The following PCDHGA12 variants were observed in gnomAD, a reference collection of about 807,000 sequenced individuals.
PCDHGA12 encodes protocadherin gamma subfamily A, 12.
Under a neutral mutation model 61.1 loss-of-function variants are expected in PCDHGA12, and 43 were observed. The ratio of observed to expected loss-of-function variants is 0.70; its 90% CI spans 0.55 to 0.91. The LOEUF is 0.91. PCDHGA12 is among the 40% of genes least tolerant of loss of function. PCDHGA12 has a pLI of 0.00. For synonymous variants in PCDHGA12, 520 were observed against 542.9 expected, an observed-to-expected ratio of 0.96 and a Z score of 0.59; for missense variants, 1,236 against 1,227.7, an observed-to-expected ratio of 1.01 and a Z score of -0.10.
intron 2 of PCDHGA12, among the ~76,000 whole-genome samples, chr5:141,497,859 G>A (rs188372194): frequency 2.0e-4 from 31 of 152,134 alleles, no homozygotes; most frequent in Middle Eastern, 6.8e-3. Context: ...TTGATTCAGC[G>A]GCTCCAAAGT....
chr5:141,478,594 C>T, intron 1 of PCDHGA12: 2 of 1,569,448 alleles, frequency 1.3e-6, no homozygotes, highest in Non-Finnish European at 1.7e-6. Context: ...TTTTTTATTC[C>T]TACATCATAT....
chr5:141,494,759 C>A (rs776923097), intron 1 of PCDHGA12, 48 bp from the exon 2 acceptor site: 3 of 1,613,886 alleles, frequency 1.9e-6, no homozygotes, highest in Non-Finnish European at 2.5e-6. Context: ...GGGTGACATT[C>A]TAACTTCTCA....
rs1230384508 is a variant in PCDHGA12 at position 141,490,990 on chromosome 5, C to T, written c.2425-3817C>T. On this transcript the variant is annotated intron_variant, in intron 1 of 3. Coordinates refer to ENST00000252085, the MANE Select transcript of PCDHGA12 (RefSeq NM_003735.3). The surrounding 1 kb of genome is among the most constrained non-coding windows in gnomAD (Gnocchi z 5.4). ...CCCCCAGCGTCTCCCTCGCTCTGCT[C>T]CTCCTGGCTCCTTGGTCACCAAGGT... 6 of 1,614,102 alleles carry T rather than the reference C, an allele frequency of 3.7e-6. No homozygotes were observed. The highest frequency in any genetic ancestry group is 1.3e-5 in the African/African-American group (1 of 75,064).
At chr5:141,465,730 T>G (rs1373873081) in intron 1 of PCDHGA12, among the ~76,000 whole-genome samples, 2 of 152,186 alleles carry the variant, frequency 1.3e-5, no homozygotes, top group Non-Finnish European at 2.9e-5. Context: ...CCTCTTGTGC[T>G]TTGTTTTCAG....
intron 2 of PCDHGA12, among the ~76,000 whole-genome samples, chr5:141,501,290 T>TACACACACACACAC (rs55762287): frequency 7.3e-6 from 1 of 136,164 alleles, no homozygotes; most frequent in Non-Finnish European, 1.6e-5. Context: ...TATTCCCTTA[T>TACACACACACACAC]ACACACACAC....
intron 1 of PCDHGA12, among the ~76,000 whole-genome samples, chr5:141,444,029 A>T (rs977610555): frequency 2.6e-5 from 4 of 152,164 alleles, no homozygotes; most frequent in African/African-American, 9.7e-5. Flanking sequence ...AAAGGAATTC[A>T]GTAAATCAGA....
Position 141,493,891 on chromosome 5 carries a change from G to A in PCDHGA12, c.2425-916G>A, listed in dbSNP as rs1595204910. On this transcript the variant is annotated intron_variant, in intron 1 of 3. Transcript: ENST00000252085. The surrounding 1 kb of genome is among the most constrained non-coding windows in gnomAD (Gnocchi z 4.3). ...CCAGTGAGGAGGTGGCTCTAGGAGT[G>A]CTCCATGAGAGTGTGTGATGGGATA... Among the ~76,000 whole-genome samples, 1 of 152,300 alleles carries A rather than the reference G, an allele frequency of 6.6e-6. No homozygotes were observed. The highest frequency in any genetic ancestry group is 1.5e-5 in the Non-Finnish European group (1 of 68,018).
In PCDHGA12 at chr5:141,477,116, G is replaced by A. The variant is rs771557201; in HGVS notation, c.2425-17691G>A. ...AGACAAGGGCGCCAATCCCGAAGGA[G>A]CACATTGCAAAGTGTTGGTGGAGGT... On this transcript the variant is annotated intron_variant, in intron 1 of 3. Transcript: ENST00000252085. This position sits in a 1 kb window ranked among gnomAD's most constrained non-coding sequence, Gnocchi z 4.9. 1 of 1,614,252 alleles carries A rather than the reference G, an allele frequency of 6.2e-7. No homozygotes were observed. The highest frequency in any genetic ancestry group is 8.5e-7 in the Non-Finnish European group (1 of 1,180,052).
intron 1 of PCDHGA12, among the ~76,000 whole-genome samples, chr5:141,461,345 G>A (rs1277222105): frequency 1.3e-5 from 2 of 152,102 alleles, no homozygotes; most frequent in African/African-American, 4.8e-5. Context: ...CAGGACCAAG[G>A]TGGTAGCTCG....
chr5:141,484,236 G>C (rs1272971014), intron 1 of PCDHGA12, among the ~76,000 whole-genome samples: 2 of 152,132 alleles, frequency 1.3e-5, no homozygotes, highest in Non-Finnish European at 2.9e-5. Context: ...AAGAGATCTG[G>C]TCCTTAGCAC....
chr5:141,444,915 T>C (rs1262912255), intron 1 of PCDHGA12, among the ~76,000 whole-genome samples: 1 of 152,174 alleles, frequency 6.6e-6, no homozygotes, highest in East Asian at 1.9e-4. Flanking sequence ...TCTATACCTT[T>C]ATCAGGGAAA....
rs61612330 is a variant in PCDHGA12 at position 141,454,796 on chromosome 5, A to ATTTTTTTTTTTTTTTTTTTTTTTTT, written c.2424+21618_2424+21642dup. ...AAGGAAATAATCCTCCATGGTTCTA[A>ATTTTTTTTTTTTTTTTTTTTTTTTT]TTTTTTTTTTTTTTTTTTTTTTTTT... On this transcript the variant is annotated intron_variant, in intron 1 of 3. Coordinates refer to ENST00000252085, the MANE Select transcript of PCDHGA12 (RefSeq NM_003735.3). Among the ~76,000 whole-genome samples, 7 of 77,408 alleles carry ATTTTTTTTTTTTTTTTTTTTTTTTT rather than the reference A, an allele frequency of 9.0e-5. 1 individual carries two copies. Among genetic ancestry groups the ATTTTTTTTTTTTTTTTTTTTTTTTT allele is most frequent in the East Asian group, 4.0e-4 (1 of 2,514 alleles). 50.8% of individuals were successfully genotyped at this position (77,408 alleles called of 152,430 possible). A position where few individuals can be genotyped will look rare whatever the true frequency, so the allele number is the denominator to read the frequency against.
chr5:141,453,287 A>T (rs900058377), intron 1 of PCDHGA12, among the ~76,000 whole-genome samples: 1 of 151,368 alleles, frequency 6.6e-6, no homozygotes, highest in Non-Finnish European at 1.5e-5. Context: ...CTAATTTTTT[A>T]ATTATTTATT....
In PCDHGA12 at chr5:141,430,875, T is replaced by A. The variant is rs1323872183; in HGVS notation, c.116T>A (p.Leu39Gln). ...TQIRYSVPEE[L>Q]EKGSRVGDIS... ...ATACGCTATTCAGTTCCGGAAGAGC[T>A]GGAGAAAGGCTCTAGGGTGGGCGAC... Residue 39 changes from leucine to glutamine, a missense_variant, in exon 1 of 4, where the codon CTG becomes CAG. Transcript: ENST00000252085. The A allele has an allele frequency of 6.3e-7, 1 of 1,599,400 alleles. No homozygotes were observed. The highest frequency in any genetic ancestry group is 8.5e-7 in the Non-Finnish European group (1 of 1,174,232).
intron 1 of PCDHGA12, chr5:141,478,906 C>T: frequency 1.1e-6 from 1 of 906,534 alleles, no homozygotes; most frequent in Non-Finnish European, 1.6e-6. Context: ...GAATAAGCTG[C>T]TGGATACCTC....
In PCDHGA12 at chr5:141,477,157, CA is replaced by C. The variant is rs1240879989; in HGVS notation, c.2425-17648del. 2.5e-6 allele frequency: 4 copies of C among 1,614,064 alleles called. No homozygotes were observed. Among genetic ancestry groups the C allele is most frequent in the Non-Finnish European group, 3.4e-6 (4 of 1,180,046 alleles). ...TGGTGGAGGTTGTGGATGTGAATGACAACGCCCCGGAGATCACAGTCACCTC... is the reference window on the plus strand; with the variant it reads ...TGGTGGAGGTTGTGGATGTGAATGACACGCCCCGGAGATCACAGTCACCTC... On this transcript the variant is annotated intron_variant, in intron 1 of 3. Coordinates refer to ENST00000252085, the MANE Select transcript of PCDHGA12 (RefSeq NM_003735.3). This position sits in a 1 kb window ranked among gnomAD's most constrained non-coding sequence, Gnocchi z 4.9.
At chr5:141,510,917 C>G in intron 3 of PCDHGA12, 30 bp from the exon 4 acceptor site, 1 of 1,613,854 alleles carries the variant, frequency 6.2e-7, no homozygotes, top group Non-Finnish European at 8.5e-7. Flanking sequence ...CTAAGTTTAG[C>G]TCCCACCTGA....
At chr5:141,449,958 A>AT (rs962794399) in intron 1 of PCDHGA12, among the ~76,000 whole-genome samples, 8 of 148,830 alleles carry the variant, frequency 5.4e-5, no homozygotes, top group African/African-American at 2.0e-4. Context: ...CCTCATAGTA[A>AT]TTTTTTTTAG....
intron 1 of PCDHGA12, among the ~76,000 whole-genome samples, chr5:141,461,314 T>A (rs1453512629): frequency 6.6e-6 from 1 of 152,198 alleles, no homozygotes; most frequent in Non-Finnish European, 1.5e-5. Context: ...TTTTTTGACT[T>A]TTTAATAATG....
Sources: allele counts gnomAD v4.1 joint callset (sites outside exome capture counted in the v4.1 genomes callset), GRCh38; gene constraint gnomAD v4.1.1; non-coding constraint Gnocchi (gnomAD v3.1); transcripts MANE v1.5; gene names NCBI Gene and HGNC (gene_info 2026-07-23, HGNC 2026-07-21).